C11orf71: variants seen among roughly 807,000 people sequenced by gnomAD.
The protein encoded by C11orf71 is chromosome 11 open reading frame 71, also known as uncharacterized protein C11orf71.
For synonymous variants in C11orf71, 72 were observed against 73.4 expected, an observed-to-expected ratio of 0.98 and a Z score of 0.09; for missense variants, 179 against 167.6, an observed-to-expected ratio of 1.07 and a Z score of -0.38.
At chr11:114,391,672 T>C (rs1297069504) in intron 1 of C11orf71, 7 of 1,310,682 alleles carry the variant, frequency 5.3e-6, no homozygotes, top group Non-Finnish European at 7.4e-6. Context: ...GTAACTAAAA[T>C]ACACAAAATG....
downstream of C11orf71, among the ~76,000 whole-genome samples, chr11:114,394,203 C>CTT (rs1162918308): frequency 0.071 from 3,430 of 48,176 alleles, 107 homozygotes; most frequent in Middle Eastern, 0.11. Flanking sequence ...CTTTTCTTTT[C>CTT]TTTTCTTTTC....
In C11orf71 at chr11:114,392,167, C is replaced by T. The variant is rs962496984; in HGVS notation, c.344-502G>A. Among the ~76,000 whole-genome samples, 2 of 152,066 alleles carry T rather than the reference C, an allele frequency of 1.3e-5. 1 individual carries two copies. The highest frequency in any genetic ancestry group is 1.3e-4 in the Admixed American group (2 of 15,272). Reference sequence around the variant, plus strand: ...CCTGTAATCCCAACACTTTGGGAAGCTGAGACTGGCAGATCACTCGAGCCC... The same window carrying T: ...CCTGTAATCCCAACACTTTGGGAAGTTGAGACTGGCAGATCACTCGAGCCC... On this transcript the variant is annotated intron_variant, in intron 1 of 1. Coordinates refer to the C11orf71 transcript ENST00000325636.
Position 114,399,740 on chromosome 11 carries a change from C to T in C11orf71, c.*220G>A. On this transcript the variant is annotated 3_prime_UTR_variant, in exon 1 of 1. Transcript: ENST00000623205. ...TTGTGACGACCTAAGAATATCCCTTCCACACCTTTCCTGATCCAATCGTTC... is the reference window on the plus strand; with the variant it reads ...TTGTGACGACCTAAGAATATCCCTTTCACACCTTTCCTGATCCAATCGTTC... 2.9e-6 allele frequency: 2 copies of T among 689,552 alleles called. No homozygotes were observed. Among genetic ancestry groups the T allele is most frequent in the Non-Finnish European group, 4.6e-6 (2 of 438,672 alleles). 42.7% of individuals were successfully genotyped at this position (689,552 alleles called of 1,614,324 possible).
At chr11:114,397,909 A>G (rs954682003), downstream of C11orf71, among the ~76,000 whole-genome samples, 6 of 151,992 alleles carry the variant, frequency 3.9e-5, no homozygotes, top group Non-Finnish European at 8.8e-5. Flanking sequence ...TTCTCTCCTC[A>G]TCCCCCAACT....
chr11:114,397,094 A>G (rs1946135972), downstream of C11orf71, among the ~76,000 whole-genome samples: 3 of 152,318 alleles, frequency 2.0e-5, no homozygotes, highest in South Asian at 6.2e-4. Context: ...ATATCTTATT[A>G]GGGCCCCATT....
At chr11:114,392,814 C>G (rs150777072) in intron 1 of C11orf71, among the ~76,000 whole-genome samples, 1 of 151,934 alleles carries the variant, frequency 6.6e-6, no homozygotes, top group Non-Finnish European at 1.5e-5. Flanking sequence ...CAGAAAACCC[C>G]GTGCCAGATC....
At chr11:114,394,208 CT>C (rs780342494), downstream of C11orf71, among the ~76,000 whole-genome samples, 269 of 40,298 alleles carry the variant, frequency 6.7e-3, no homozygotes, top group South Asian at 0.039. Flanking sequence ...CTTTTCTTTT[CT>C]TTTCTTTTCT....
chr11:114,400,043 C>T lies in C11orf71; in HGVS notation c.289G>A (p.Val97Ile), dbSNP rs374189399. 2 of 1,614,034 alleles carry T rather than the reference C, an allele frequency of 1.2e-6. No homozygotes were observed. Among genetic ancestry groups the T allele is most frequent in the Non-Finnish European group, 1.7e-6 (2 of 1,179,886 alleles). Residue 97 changes from valine to isoleucine, a missense_variant, in exon 1 of 1, where the codon GTT (valine) becomes ATT (isoleucine). By Grantham distance (29) the Val-to-Ile change is conservative. Coordinates refer to ENST00000623205, the MANE Select transcript of C11orf71 (RefSeq NM_001271562.2). ...ARFSPYPIPA[V>I]EPDLLRSVLQ... ...ACACTTCTTAGGAGATCGGGTTCAA[C>T]GGCAGGGATTGGGTAAGGTGAGAAT...
Position 114,400,421 on chromosome 11 carries a change from C to A in C11orf71, c.-90G>T. On this transcript the variant is annotated 5_prime_UTR_variant, in exon 1 of 1. Transcript: ENST00000623205. Reference sequence around the variant, plus strand: ...CCAGATCAGTCCAGCCTGTGTCGGACCCGATGACTAAGCACACAGGAACCC... The same window carrying A: ...CCAGATCAGTCCAGCCTGTGTCGGAACCGATGACTAAGCACACAGGAACCC... 6.9e-7 allele frequency: 1 copy of A among 1,449,088 alleles called. No homozygotes were observed. The highest frequency in any genetic ancestry group is 2.6e-5 in the Admixed American group (1 of 37,950). The allele number at this position is 1,449,088 out of a possible 1,614,324, so 89.8% of individuals were successfully genotyped here.
downstream of C11orf71, among the ~76,000 whole-genome samples, chr11:114,395,776 G>A (rs1262096256): frequency 6.6e-6 from 1 of 152,208 alleles, no homozygotes; most frequent in Non-Finnish European, 1.5e-5. Context: ...GCAGCTGCAT[G>A]CTTGCCTCCC....
downstream of C11orf71, among the ~76,000 whole-genome samples, chr11:114,396,152 G>A (rs1461776870): frequency 6.6e-6 from 1 of 152,232 alleles, no homozygotes; most frequent in Non-Finnish European, 1.5e-5. Context: ...AGCCAGTGGA[G>A]CTTTTTAAGT....
downstream of C11orf71, among the ~76,000 whole-genome samples, chr11:114,393,991 T>C (rs1163687067): frequency 6.6e-6 from 1 of 152,054 alleles, no homozygotes. Flanking sequence ...TAACTTTTTT[T>C]CTTTTTGAGA....
rs776030051 is a variant in C11orf71, at chr11:114,400,018, A to G, written c.314T>C (p.Val105Ala). 1.2e-6 allele frequency: 2 copies of G among 1,613,814 alleles called. No individual in the cohort carries two copies. The highest frequency in any genetic ancestry group is 3.3e-5 in the Admixed American group (2 of 59,990). ...PAVEPDLLRS[V>A]LQQRLIALGG... ...TAATGCAATCAAACGCTGTTGCAGC[A>G]CACTTCTTAGGAGATCGGGTTCAAC... The change falls in exon 1 of 1, where the codon GTG (valine) becomes GCG (alanine). Residue 105 changes from valine (V) to alanine (A), a missense_variant. Val to Ala is a moderately conservative substitution (Grantham distance 64). Transcript: ENST00000623205.
chr11:114,394,257 CT>C (rs1390582407), downstream of C11orf71, among the ~76,000 whole-genome samples: 11 of 65,452 alleles, frequency 1.7e-4, no homozygotes, highest in African/African-American at 1.0e-3. Flanking sequence ...CTTTTCTTTT[CT>C]TTTCTTTTCT....
downstream of C11orf71, among the ~76,000 whole-genome samples, chr11:114,393,792 G>GAC (rs1946090315): frequency 6.6e-6 from 1 of 152,128 alleles, no homozygotes; most frequent in African/African-American, 2.4e-5. Context: ...CAAACTTTGT[G>GAC]AAAGTTTGTT....
Position 114,400,264 on chromosome 11 carries a change from T to C in C11orf71, c.68A>G (p.His23Arg). The C allele has an allele frequency of 2.5e-6, 4 of 1,611,228 alleles. No individual in the cohort carries two copies. In the South Asian group the frequency reaches 3.3e-5, roughly 13 times the overall value. ...TGACGCCCGCGGTCTGAGGTCGCCA[T>C]GGGAAGAGCGGTAGGCCACCCTGCT... is the stretch of plus-strand genomic sequence containing the variant. Reference protein sequence around the residue: ...QRSRVAYRSSHGDLRPRASAL... With the variant: ...QRSRVAYRSSRGDLRPRASAL... Residue 23 changes from histidine (H) to arginine (R), a missense_variant, in exon 1 of 1, where the codon CAT becomes CGT. By Grantham distance (29) the His-to-Arg change is conservative (BLOSUM62 0). Coordinates refer to ENST00000623205, the MANE Select transcript of C11orf71 (RefSeq NM_001271562.2).
rs2135343850 is a variant in C11orf71, at chr11:114,399,061, A to G, written c.*899T>C. 6.6e-6 allele frequency: 1 copy of G among 152,144 alleles called. No homozygotes were observed. Among genetic ancestry groups the G allele is most frequent in the East Asian group, 1.9e-4 (1 of 5,172 alleles). The allele number at this position is 152,144 out of a possible 1,614,324, so 9.4% of individuals were successfully genotyped here. A position where few individuals can be genotyped will look rare whatever the true frequency, so the allele number is the denominator to read the frequency against. Reference sequence around the variant, plus strand: ...AGTGCAGTATTATGATGAAAAAAAAAAAAAAAAAGTCACTGCAACCAGTAC... The same window carrying G: ...AGTGCAGTATTATGATGAAAAAAAAGAAAAAAAAGTCACTGCAACCAGTAC... On this transcript the variant is annotated 3_prime_UTR_variant, in exon 1 of 1. Transcript: ENST00000623205.
At chr11:114,394,218 CTTTTCTTTT>C (rs1565256442), downstream of C11orf71, among the ~76,000 whole-genome samples, 4 of 55,466 alleles carry the variant, frequency 7.2e-5, 1 homozygote, top group African/African-American at 3.2e-4. Flanking sequence ...CTTTTCTTTT[CTTTTCTTTT>C]CTTTCTTTTC....
chr11:114,395,984 A>G (rs1297414356), downstream of C11orf71, among the ~76,000 whole-genome samples: 2 of 152,158 alleles, frequency 1.3e-5, no homozygotes, highest in East Asian at 3.9e-4. Context: ...ACATTCCTCC[A>G]ACTCCTGGGC....
Sources: allele counts gnomAD v4.1 joint callset (sites outside exome capture counted in the v4.1 genomes callset), GRCh38; gene constraint gnomAD v4.1.1; transcripts MANE v1.5; gene names NCBI Gene and HGNC (gene_info 2026-07-23, HGNC 2026-07-21).